The following ERBIN variants were observed in gnomAD, a reference collection of about 807,000 sequenced individuals.
ERBIN encodes the protein erbb2 interacting protein, also known as densin-180-like protein.
ERBIN carries 60 observed loss-of-function variants against 158.4 expected under a neutral mutation model. The observed-to-expected ratio is 0.38, with a 90% CI of 0.31 to 0.47. ERBIN has a LOEUF of 0.47. ERBIN is among the 20% of genes least tolerant of loss of function. The probability of loss-of-function intolerance (pLI) is 0.99; values close to 1 mark genes in which losing one functional copy is unlikely to be tolerated. For synonymous variants in ERBIN, 594 were observed against 557.2 expected, an observed-to-expected ratio of 1.07 and a Z score of -0.93; for missense variants, 1,610 against 1,648.0, an observed-to-expected ratio of 0.98 and a Z score of 0.40.
chr5:66,037,069 ATG>A (rs1757466706), intron 14 of ERBIN, among the ~76,000 whole-genome samples: 1 of 152,196 alleles, frequency 6.6e-6, no homozygotes, highest in Non-Finnish European at 1.5e-5. Flanking sequence ...TTTCAGGGTG[ATG>A]AGTTTTTAAA....
chr5:66,054,305 A>G lies in ERBIN; in HGVS notation c.2987A>G (p.Gln996Arg), dbSNP rs1251297982. The change falls in exon 21 of 26, where the codon CAA becomes CGA. Residue 996 changes from glutamine to arginine, a missense_variant. Gln to Arg is a conservative substitution (Grantham distance 43, BLOSUM62 1). Transcript: ENST00000284037. ...AVKDTLWHSK[Q>R]NPQIDHASFP... The stretch of plus-strand genomic sequence containing the variant: ...AAAGACACTTTGTGGCACTCCAAAC[A>G]AAATCCCCAAATAGACCATGCCAGT... 1 of 1,614,184 alleles carries G rather than the reference A, an allele frequency of 6.2e-7. No homozygotes were observed. Among genetic ancestry groups the G allele is most frequent in the Non-Finnish European group, 8.5e-7 (1 of 1,180,028 alleles).
At chr5:65,938,746 T>G (rs1027008612) in intron 1 of ERBIN, among the ~76,000 whole-genome samples, 9 of 151,878 alleles carry the variant, frequency 5.9e-5, no homozygotes, top group African/African-American at 2.2e-4. Flanking sequence ...AGAGACGGGG[T>G]TTCACCATAT....
intron 1 of ERBIN, among the ~76,000 whole-genome samples, chr5:65,983,930 A>T (rs1487914981): frequency 6.6e-6 from 1 of 152,156 alleles, no homozygotes; most frequent in East Asian, 1.9e-4. Context: ...AGCACATATG[A>T]ACCTAGCATC....
At chr5:65,992,655 T>C in intron 2 of ERBIN, 55 bp from the exon 3 acceptor site, 2 of 1,316,398 alleles carry the variant, frequency 1.5e-6, no homozygotes, top group Non-Finnish European at 1.0e-6. Flanking sequence ...TGATTTGTTC[T>C]GAAAAACCGT....
At chr5:65,932,131 C>G (rs1743494232) in intron 1 of ERBIN, among the ~76,000 whole-genome samples, 1 of 151,804 alleles carries the variant, frequency 6.6e-6, no homozygotes. Flanking sequence ...GTCACAAGGT[C>G]AGGAGATCAA....
At chr5:65,977,613 G>A (rs919934025) in intron 1 of ERBIN, among the ~76,000 whole-genome samples, 51 of 151,684 alleles carry the variant, frequency 3.4e-4, no homozygotes, top group Non-Finnish European at 5.4e-4. Flanking sequence ...GCTGGGAAGA[G>A]GCGCTCCTCA....
chr5:66,010,990 A>G (rs1054769110), intron 4 of ERBIN, among the ~76,000 whole-genome samples: 1 of 152,246 alleles, frequency 6.6e-6, no homozygotes. Flanking sequence ...TATTTGGTCC[A>G]CAACAGATTG....
chr5:66,008,096 G>C (rs1052169196), intron 4 of ERBIN, among the ~76,000 whole-genome samples: 1 of 152,130 alleles, frequency 6.6e-6, no homozygotes, highest in African/African-American at 2.4e-5. Context: ...ACATGCTATG[G>C]AATAAAGTAC....
intron 25 of ERBIN, 42 bp downstream of exon 25, chr5:66,076,991 C>G (rs765275303): frequency 1.5e-6 from 2 of 1,328,738 alleles, no homozygotes; most frequent in South Asian, 1.3e-5. Flanking sequence ...TTATAACACT[C>G]TAATGTTTTC....
intron 1 of ERBIN, among the ~76,000 whole-genome samples, chr5:65,956,536 AT>A (rs1417234613): frequency 6.8e-6 from 1 of 146,428 alleles, no homozygotes; most frequent in African/African-American, 2.6e-5. Flanking sequence ...CGCCCAGCTA[AT>A]TTTTTTACTT....
chr5:66,027,930 T>TAAAC (rs776346060), intron 13 of ERBIN, among the ~76,000 whole-genome samples: 127 of 152,060 alleles, frequency 8.4e-4, no homozygotes, highest in Non-Finnish European at 1.5e-3. Context: ...TAAGTACAAA[T>TAAAC]AAACCAAAGC....
intron 18 of ERBIN, among the ~76,000 whole-genome samples, chr5:66,048,000 G>T (rs1317257918): frequency 2.0e-5 from 3 of 151,860 alleles, no homozygotes; most frequent in Admixed American, 6.6e-5. Flanking sequence ...TTAGGAGGAA[G>T]ATTTATGGCT....
chr5:65,992,908 G>T lies in ERBIN; in HGVS notation c.189+1G>T. ...TAATCAGATTGAAGAGCTTCCAAAG[G>T]TATGCTAATACTTTCTTTCAAGAAT... is the stretch of plus-strand genomic sequence containing the variant. On this transcript the variant is annotated splice_donor_variant, in intron 3 of 25. Coordinates refer to ENST00000284037, the MANE Select transcript of ERBIN (RefSeq NM_001253697.2). LOFTEE classifies it high-confidence loss of function. 1 of 1,569,978 alleles carries T rather than the reference G, an allele frequency of 6.4e-7. No homozygotes were observed. Among genetic ancestry groups the T allele is most frequent in the Non-Finnish European group, 8.6e-7 (1 of 1,160,830 alleles).
intron 25 of ERBIN, 22 bp from the exon 26 acceptor site, chr5:66,078,400 TA>T: frequency 7.1e-7 from 1 of 1,408,126 alleles, no homozygotes; most frequent in Non-Finnish European, 9.8e-7. Context: ...ATGTTTTTCC[TA>T]AAAGCATTTT....
At chr5:65,958,142 A>C (rs918576295) in intron 1 of ERBIN, among the ~76,000 whole-genome samples, 1 of 127,832 alleles carries the variant, frequency 7.8e-6, no homozygotes, top group African/African-American at 3.0e-5. Flanking sequence ...CAGACTGGGC[A>C]GCCGGGCAGA....
At chr5:65,938,934 C>G (rs1744427361) in intron 1 of ERBIN, among the ~76,000 whole-genome samples, 1 of 152,254 alleles carries the variant, frequency 6.6e-6, no homozygotes, top group South Asian at 2.1e-4. Context: ...TGAGAATGGC[C>G]TCTTCAACCT....
intron 1 of ERBIN, among the ~76,000 whole-genome samples, chr5:65,953,576 G>T (rs563122659): frequency 6.6e-6 from 1 of 152,088 alleles, no homozygotes; most frequent in East Asian, 1.9e-4. Context: ...ACTCTACCTT[G>T]GGAAAATTCA....
rs190411159 is a variant in ERBIN, at chr5:66,011,976, A to G, written c.308-73A>G. ...TATATTACTTTAGAATCTGGAAGGC[A>G]TATATTATTGTTACTGTTATTATTT... On this transcript the variant is annotated intron_variant, in intron 4 of 25. Coordinates refer to ENST00000284037, the MANE Select transcript of ERBIN (RefSeq NM_001253697.2). The G allele has an allele frequency of 8.7e-4, 777 of 896,466 alleles. 3 individuals carry two copies. Among genetic ancestry groups the G allele is most frequent in the South Asian group, 1.5e-3 (93 of 62,386 alleles). The allele number at this position is 896,466 out of a possible 1,614,324, so 55.5% of individuals were successfully genotyped here.
intron 14 of ERBIN, among the ~76,000 whole-genome samples, chr5:66,037,946 A>G (rs553822180): frequency 2.0e-5 from 3 of 152,268 alleles, no homozygotes; most frequent in South Asian, 4.1e-4. Flanking sequence ...GCTAACTAGA[A>G]TAAACATTTA....
Sources: gnomAD v4.1 joint callset for allele counts (sites outside exome capture counted in the v4.1 genomes callset) on GRCh38, gnomAD v4.1.1 for gene constraint, MANE v1.5 for transcripts, NCBI Gene and HGNC (gene_info 2026-07-23, HGNC 2026-07-21) for gene names.